ZBTB46: variants seen among roughly 807,000 people sequenced by gnomAD.
ZBTB46 encodes zinc finger and BTB domain-containing protein 46.
Under a neutral mutation model 44.1 loss-of-function variants are expected in ZBTB46, and 8 were observed. The observed-to-expected ratio is 0.18, with a 90% CI of 0.11 to 0.33. The LOEUF (loss-of-function observed/expected upper bound fraction) is 0.33, where lower values mean the gene tolerates loss of function less well. Among genes scored for constraint, ZBTB46 ranks in the 10% least tolerant of loss-of-function variants. ZBTB46 has a pLI of 1.00. For synonymous variants in ZBTB46, 409 were observed against 382.3 expected (o/e 1.07, Z -0.81); for missense variants, 651 against 847.7 (o/e 0.77, Z 2.88).
Position 63,767,612 on chromosome 20 carries a change from G to A in ZBTB46, c.1222+8066C>T, listed in dbSNP as rs1392067220. 1.3e-5 allele frequency among the ~76,000 whole-genome samples: 2 copies of A among 152,220 alleles called. No individual in the cohort carries two copies. The highest frequency in any genetic ancestry group is 6.5e-5 in the Admixed American group (1 of 15,278). The stretch of plus-strand genomic sequence containing the variant: ...GCCAAAGCTCTGGCCGCAGCACTGA[G>A]GTCAAAGCAAACGCCGGCTCCAGCG... On this transcript the variant is annotated intron_variant, in intron 3 of 4. Transcript: ENST00000245663. This position sits in a 1 kb window ranked among gnomAD's most constrained non-coding sequence, Gnocchi z 5.0.
intron 2 of ZBTB46, among the ~76,000 whole-genome samples, chr20:63,780,926 C>G (rs1221135365): frequency 6.8e-6 from 1 of 147,882 alleles, no homozygotes; most frequent in African/African-American, 2.5e-5. Context: ...GTCAGGAGTT[C>G]AAGACCAGCC....
intron 1 of ZBTB46, among the ~76,000 whole-genome samples, chr20:63,826,598 G>A (rs1272451468): frequency 2.0e-5 from 3 of 151,614 alleles, no homozygotes; most frequent in African/African-American, 7.3e-5. Flanking sequence ...GTTGGCAGAC[G>A]CCTGTAGTCC....
intron 1 of ZBTB46, among the ~76,000 whole-genome samples, chr20:63,807,155 T>C (rs148764277): frequency 3.5e-4 from 53 of 152,292 alleles, no homozygotes; most frequent in African/African-American, 1.2e-3. Flanking sequence ...TATACATATA[T>C]AGAGAGAGAC....
In ZBTB46 at chr20:63,747,066, G is replaced by T; in HGVS notation, c.1634C>A (p.Ala545Glu). The change falls in exon 5 of 5, where the codon GCG becomes GAG. Residue 545 changes from alanine (A) to glutamate (E), a missense_variant. Coordinates refer to ENST00000245663, the MANE Select transcript of ZBTB46 (RefSeq NM_001369741.1). The stretch of plus-strand genomic sequence containing the variant: ...CTCGTCGTCCTCGCCCAGCTCCTCC[G>T]CCTCCCCTCGTGGGTCCTCAGGGTC... The part of the protein sequence containing the change: ...LEDPEDPRGE[A>E]EELGEDDEGL... 6.2e-7 allele frequency: 1 copy of T among 1,608,616 alleles called. No homozygotes were observed.
intron 1 of ZBTB46, among the ~76,000 whole-genome samples, chr20:63,808,643 G>A (rs969812395): frequency 2.0e-4 from 30 of 152,152 alleles, no homozygotes; most frequent in African/African-American, 7.2e-4. Context: ...GCCCTCCTCG[G>A]TCCAGCGCTC....
At chr20:63,807,823 CGAGCGGGTCTCACTCCCA>C (rs1164600030) in intron 1 of ZBTB46, among the ~76,000 whole-genome samples, 7 of 152,288 alleles carry the variant, frequency 4.6e-5, no homozygotes, top group Non-Finnish European at 8.8e-5. Context: ...GCTCCCCCTC[CGAGCGGGTCTCACTCCCA>C]GAGCGGGGCT....
chr20:63,757,421 C>T (rs956891737), intron 3 of ZBTB46, among the ~76,000 whole-genome samples: 1 of 152,148 alleles, frequency 6.6e-6, no homozygotes, highest in African/African-American at 2.4e-5. Context: ...TCGCGCCTGG[C>T]CACGATTCAC....
intron 3 of ZBTB46, among the ~76,000 whole-genome samples, chr20:63,755,379 C>T (rs1264251261): frequency 6.6e-6 from 1 of 152,234 alleles, no homozygotes; most frequent in Non-Finnish European, 1.5e-5. Flanking sequence ...GCCTCTTCAG[C>T]TCCTAGTAGC....
At chr20:63,769,445 G>A (rs942075301) in intron 3 of ZBTB46, 4 of 985,236 alleles carry the variant, frequency 4.1e-6, no homozygotes, top group Non-Finnish European at 4.8e-6. Flanking sequence ...CTGGGTTCTA[G>A]AGAGTTCCAG....
intron 2 of ZBTB46, among the ~76,000 whole-genome samples, chr20:63,782,437 C>G (rs2092478719): frequency 6.6e-6 from 1 of 152,184 alleles, no homozygotes; most frequent in South Asian, 2.1e-4. Flanking sequence ...CACATGGACT[C>G]CCCTGGAGCT....
chr20:63,781,396 G>A (rs1025996899), intron 2 of ZBTB46, among the ~76,000 whole-genome samples: 2 of 152,154 alleles, frequency 1.3e-5, no homozygotes, highest in South Asian at 2.1e-4. Flanking sequence ...CGGTCACCAC[G>A]TAGACAGCCC....
At position 63,785,224 on chromosome 20, in the gene ZBTB46, C is replaced by CAA. The variant is rs368838708; in HGVS notation, c.937+4595_937+4596dup. Among the ~76,000 whole-genome samples, 330 of 96,908 alleles carry CAA rather than the reference C, an allele frequency of 3.4e-3. 4 individuals are homozygous for CAA. Among genetic ancestry groups the CAA allele is most frequent in the African/African-American group, 8.7e-3 (208 of 23,786 alleles). The allele number at this position is 96,908 out of a possible 152,430, so 63.6% of individuals were successfully genotyped here. On this transcript the variant is annotated intron_variant, in intron 2 of 4. Transcript: ENST00000245663. ...TCCAGCCCGGCAACAGAGCGAGACT[C>CAA]AAAAAAAAAAAAAAAGAAAAGAAAA...
At chr20:63,771,752 G>A (rs1291154409) in intron 3 of ZBTB46, among the ~76,000 whole-genome samples, 1 of 152,226 alleles carries the variant, frequency 6.6e-6, no homozygotes, top group Admixed American at 6.5e-5. Flanking sequence ...ACGGCAGTGA[G>A]GGAGGACCAC....
At chr20:63,816,675 T>G (rs189737844) in intron 1 of ZBTB46, among the ~76,000 whole-genome samples, 2 of 152,298 alleles carry the variant, frequency 1.3e-5, no homozygotes, top group African/African-American at 4.8e-5. Flanking sequence ...GGCTGAAATG[T>G]GTCTGCTGAA....
Position 63,775,714 on chromosome 20 carries a change from A to T in ZBTB46, c.1186T>A (p.Phe396Ile). The T allele has an allele frequency of 1.2e-6, 2 of 1,604,458 alleles. No homozygotes were observed. Among genetic ancestry groups the T allele is most frequent in the Non-Finnish European group, 1.7e-6 (2 of 1,174,722 alleles). The stretch of plus-strand genomic sequence containing the variant: ...TGGGCCCCTCTGGGCAGGTACTCGA[A>T]CAGCAGGGAGCCGTCATCCCCCAGC... Reference protein sequence around the residue: ...DVLGDDGSLLFEYLPRGAHSL... With the variant: ...DVLGDDGSLLIEYLPRGAHSL... The change falls in exon 3 of 5, where the codon TTC becomes ATC. Residue 396 changes from phenylalanine to isoleucine, a missense_variant. Transcript: ENST00000245663.
chr20:63,798,688 A>AAAAAAAAAAAAAAAAAAAAAAACAC (rs2145968261), intron 1 of ZBTB46, among the ~76,000 whole-genome samples: 1 of 142,714 alleles, frequency 7.0e-6, no homozygotes. Context: ...AAAAAAAAAA[A>AAAAAAAAAAAAAAAAAAAAAAACAC]AAAAATTAGC....
In ZBTB46 at chr20:63,762,009, GTT is replaced by G. The variant is rs541731906; in HGVS notation, c.1223-9150_1223-9149del. Among the ~76,000 whole-genome samples the G allele has an allele frequency of 5.0e-3, 765 of 152,212 alleles. 5 individuals carry two copies. Among genetic ancestry groups the G allele is most frequent in the African/African-American group, 0.015 (606 of 41,502 alleles). On this transcript the variant is annotated intron_variant, in intron 3 of 4. Transcript: ENST00000245663. ...CCCTGGTTGGTCTATTTTGGTAAAT[GTT>G]TCCTGTCCATTTGGAATATCCTGCA...
intron 3 of ZBTB46, among the ~76,000 whole-genome samples, chr20:63,763,625 T>C (rs1473490902): frequency 6.6e-6 from 1 of 152,188 alleles, no homozygotes; most frequent in Non-Finnish European, 1.5e-5. Context: ...AAATCATCCA[T>C]GGAAGGTCCC....
chr20:63,820,651 C>T (rs536607731), intron 1 of ZBTB46, among the ~76,000 whole-genome samples: 3 of 151,824 alleles, frequency 2.0e-5, no homozygotes, highest in Non-Finnish European at 2.9e-5. Flanking sequence ...AGGCTGATCT[C>T]GAACTCCCGA....
Sources: gnomAD v4.1 joint callset for allele counts (sites outside exome capture counted in the v4.1 genomes callset) on GRCh38, gnomAD v4.1.1 for gene constraint, Gnocchi (gnomAD v3.1) non-coding constraint, MANE v1.5 for transcripts, NCBI Gene and HGNC (gene_info 2026-07-23, HGNC 2026-07-21) for gene names.